The following ARL15 variants were observed in gnomAD, a reference collection of about 807,000 sequenced individuals.
ARL15 encodes the protein ARF like GTPase 15, also known as ADP-ribosylation factor-like protein 15.
Under a neutral mutation model 25.2 loss-of-function variants are expected in ARL15, and 19 were observed. That is an observed-to-expected ratio of 0.75 (90% CI 0.53 to 1.10). ARL15 has a LOEUF of 1.10. ARL15 is among the 50% of genes least tolerant of loss of function. The pLI, the probability that ARL15 is intolerant of heterozygous loss-of-function variation, is 0.00. For missense variants in ARL15, 220 were observed against 246.0 expected, an observed-to-expected ratio of 0.89 and a Z score of 0.71; for synonymous variants, 94 against 86.8, an observed-to-expected ratio of 1.08 and a Z score of -0.46.
rs150856612 is a variant in ARL15 at position 54,096,760 on chromosome 5, G to T, written c.462+16442C>A. ...AAGTATGCTTAAAATTCTAAACCAA[G>T]GTATTTCTCATCTTTGAAAAAGTTG... On this transcript the variant is annotated intron_variant, in intron 4 of 4. Coordinates refer to ENST00000504924, the MANE Select transcript of ARL15 (RefSeq NM_019087.3). 3.4e-3 allele frequency among the ~76,000 whole-genome samples: 516 copies of T among 152,200 alleles called. 5 individuals carry two copies. The highest frequency in any genetic ancestry group is 0.017 in the Middle Eastern group (5 of 294).
At chr5:54,066,381 A>G (rs1393825359) in intron 4 of ARL15, among the ~76,000 whole-genome samples, 2 of 152,242 alleles carry the variant, frequency 1.3e-5, no homozygotes, top group Non-Finnish European at 2.9e-5. Flanking sequence ...GAATTAATAT[A>G]AAAGTGCTAA....
intron 4 of ARL15, among the ~76,000 whole-genome samples, chr5:53,888,259 T>C (rs1744598852): frequency 6.6e-6 from 1 of 151,264 alleles, no homozygotes; most frequent in South Asian, 2.1e-4. Context: ...TTTCTTTTTT[T>C]GTTTTATTTA....
chr5:54,106,684 T>C (rs967087681), intron 4 of ARL15, among the ~76,000 whole-genome samples: 1 of 152,066 alleles, frequency 6.6e-6, no homozygotes, highest in African/African-American at 2.4e-5. Context: ...GAGAATGGTG[T>C]TTTTCCCTGA....
intron 4 of ARL15, among the ~76,000 whole-genome samples, chr5:54,011,963 C>G (rs1017570025): frequency 1.3e-5 from 2 of 151,802 alleles, no homozygotes; most frequent in East Asian, 2.0e-4. Flanking sequence ...GAGCTGAGAT[C>G]GCGCCACTGC....
At chr5:53,914,591 G>A (rs1450473934) in intron 4 of ARL15, among the ~76,000 whole-genome samples, 2 of 152,062 alleles carry the variant, frequency 1.3e-5, no homozygotes, top group Admixed American at 6.5e-5. Context: ...AATTCTTTGG[G>A]ATGAAGACAG....
At chr5:54,128,295 C>T (rs16882272) in intron 3 of ARL15, among the ~76,000 whole-genome samples, 1,992 of 152,326 alleles carry the variant, frequency 0.013, 23 homozygotes, top group Admixed American at 0.019. Flanking sequence ...GCTAGACACA[C>T]AACAAAGCAT....
chr5:53,987,831 G>A (rs990020028), intron 4 of ARL15, among the ~76,000 whole-genome samples: 10 of 152,106 alleles, frequency 6.6e-5, no homozygotes, highest in South Asian at 4.1e-4. Flanking sequence ...GGCCAGGTGC[G>A]GTGGCTCATG....
intron 4 of ARL15, among the ~76,000 whole-genome samples, chr5:54,005,870 A>AAAG (rs56323999): frequency 1.2e-5 from 1 of 80,228 alleles, no homozygotes; most frequent in Non-Finnish European, 2.6e-5. Flanking sequence ...TCAAAAAAAA[A>AAAG]AAACCAAAAA....
intron 4 of ARL15, among the ~76,000 whole-genome samples, chr5:54,043,504 T>C (rs1002359865): frequency 6.6e-6 from 1 of 152,090 alleles, no homozygotes; most frequent in Non-Finnish European, 1.5e-5. Context: ...AACCCTTGAA[T>C]TGGAAATATG....
chr5:53,901,588 C>T (rs1745065785), intron 4 of ARL15, among the ~76,000 whole-genome samples: 1 of 138,076 alleles, frequency 7.2e-6, no homozygotes, highest in Admixed American at 8.3e-5. Flanking sequence ...TAACTAGATG[C>T]ATTCACCATG....
intron 4 of ARL15, among the ~76,000 whole-genome samples, chr5:53,985,481 A>G (rs1748263009): frequency 6.6e-6 from 1 of 151,928 alleles, no homozygotes; most frequent in Admixed American, 6.6e-5. Flanking sequence ...TCTCTCCCCA[A>G]ACCCTGGCAA....
At chr5:54,231,732 C>T (rs1756677296) in intron 1 of ARL15, among the ~76,000 whole-genome samples, 1 of 152,194 alleles carries the variant, frequency 6.6e-6, no homozygotes, top group Non-Finnish European at 1.5e-5. Context: ...CAAACCATTA[C>T]TTTGTCCTCA....
intron 4 of ARL15, among the ~76,000 whole-genome samples, chr5:54,077,461 C>A (rs781529211): frequency 2.0e-5 from 3 of 152,136 alleles, no homozygotes; most frequent in African/African-American, 7.2e-5. Flanking sequence ...GACACTGAGC[C>A]ATAAATGTAA....
intron 4 of ARL15, among the ~76,000 whole-genome samples, chr5:54,046,981 C>A (rs1053422042): frequency 3.3e-5 from 5 of 152,112 alleles, no homozygotes; most frequent in Non-Finnish European, 7.4e-5. Flanking sequence ...CAAGGGCTTT[C>A]CATTTACACT....
chr5:54,279,486 CTTCTT>C (rs1285546395), intron 1 of ARL15, among the ~76,000 whole-genome samples: 2 of 152,132 alleles, frequency 1.3e-5, no homozygotes, highest in Non-Finnish European at 2.9e-5. Context: ...TTCGGTGTCT[CTTCTT>C]ATAAGAGTGC....
At chr5:54,265,865 G>C (rs1757610672) in intron 1 of ARL15, among the ~76,000 whole-genome samples, 1 of 152,188 alleles carries the variant, frequency 6.6e-6, no homozygotes, top group Non-Finnish European at 1.5e-5. Flanking sequence ...TTACGAAGCA[G>C]TTACTATATA....
chr5:54,299,678 C>T (rs901520155), intron 1 of ARL15, among the ~76,000 whole-genome samples: 3 of 150,342 alleles, frequency 2.0e-5, no homozygotes, highest in African/African-American at 7.4e-5. Context: ...CAATCTCCAC[C>T]TCCTGGGTTC....
intron 4 of ARL15, among the ~76,000 whole-genome samples, chr5:54,069,731 T>TCTGCCTCCTGGATTCAAGCAATTCTC (rs1218741610): frequency 1.3e-5 from 2 of 151,758 alleles, no homozygotes; most frequent in African/African-American, 2.4e-5. Context: ...CACTGCAACC[T>TCTGCCTCCTGGATTCAAGCAATTCTC]CTGCCTCCTG....
rs142186305 is a variant in ARL15 at position 54,046,891 on chromosome 5, G to T, written c.462+66311C>A. Among the ~76,000 whole-genome samples the T allele has an allele frequency of 7.1e-3, 1,076 of 152,248 alleles. 12 individuals carry two copies. Among genetic ancestry groups the T allele is most frequent in the African/African-American group, 0.025 (1,036 of 41,542 alleles). On this transcript the variant is annotated intron_variant, in intron 4 of 4. Coordinates refer to ENST00000504924, the MANE Select transcript of ARL15 (RefSeq NM_019087.3). ...TGGTTAGCATGGTACGGCAGGCCAGGGCCTTATGGGGAATGCCTGGACAGC... is the reference window on the plus strand; with the variant it reads ...TGGTTAGCATGGTACGGCAGGCCAGTGCCTTATGGGGAATGCCTGGACAGC...
Sources: allele counts gnomAD v4.1 joint callset (sites outside exome capture counted in the v4.1 genomes callset), GRCh38; gene constraint gnomAD v4.1.1; transcripts MANE v1.5; gene names NCBI Gene and HGNC (gene_info 2026-07-23, HGNC 2026-07-21).